CSMD1: variants seen among roughly 807,000 people sequenced by gnomAD.
CSMD1 encodes CUB and sushi domain-containing protein 1.
Under a neutral mutation model 417.5 loss-of-function variants are expected in CSMD1, and 213 were observed. The ratio of observed to expected loss-of-function variants is 0.51; its 90% CI spans 0.46 to 0.57. CSMD1 has a LOEUF of 0.57. Among genes scored for constraint, CSMD1 ranks in the 20% least tolerant of loss-of-function variants. The pLI is 0.00. For synonymous variants in CSMD1, 2,862 were observed against 1,736.8 expected, an observed-to-expected ratio of 1.65 and a Z score of -16.11; for missense variants, 6,923 against 4,529.7, an observed-to-expected ratio of 1.53 and a Z score of -15.17.
chr8:3,887,727 G>A (rs1318258253), intron 5 of CSMD1, among the ~76,000 whole-genome samples: 1 of 152,196 alleles, frequency 6.6e-6, no homozygotes, highest in Non-Finnish European at 1.5e-5. Context: ...GCTTTGATCT[G>A]TGGATAGAAA....
chr8:3,265,305 C>A (rs192316713), intron 26 of CSMD1, among the ~76,000 whole-genome samples: 2 of 152,284 alleles, frequency 1.3e-5, no homozygotes, highest in East Asian at 3.9e-4. Flanking sequence ...ATGGTAAACG[C>A]AGAAATCAGT....
At chr8:4,650,569 T>G (rs1415574343) in intron 1 of CSMD1, among the ~76,000 whole-genome samples, 1 of 152,040 alleles carries the variant, frequency 6.6e-6, no homozygotes, top group Non-Finnish European at 1.5e-5. Flanking sequence ...ACGCATGACA[T>G]TGAAACTCCA....
At chr8:3,049,182 A>G (rs1367423705) in intron 50 of CSMD1, among the ~76,000 whole-genome samples, 1 of 152,154 alleles carries the variant, frequency 6.6e-6, no homozygotes, top group African/African-American at 2.4e-5. Flanking sequence ...ATGGTTTCTT[A>G]AAAAACTAAA....
intron 12 of CSMD1, among the ~76,000 whole-genome samples, chr8:3,409,900 C>T (rs1297341867): frequency 3.3e-5 from 5 of 152,206 alleles, no homozygotes; most frequent in Non-Finnish European, 7.3e-5. Context: ...CTTCTGGATA[C>T]CTCCGATCTT....
intron 5 of CSMD1, among the ~76,000 whole-genome samples, chr8:3,824,392 G>T (rs1044046675): frequency 6.6e-6 from 1 of 152,152 alleles, no homozygotes; most frequent in Admixed American, 6.6e-5. Flanking sequence ...AGCTCAGAGT[G>T]GCAAAGCTCC....
chr8:4,091,343 C>T (rs1438911730), intron 3 of CSMD1, among the ~76,000 whole-genome samples: 1 of 152,140 alleles, frequency 6.6e-6, no homozygotes, highest in Non-Finnish European at 1.5e-5. Flanking sequence ...ATGATTCCAT[C>T]ATTGAATTTG....
At chr8:3,515,839 A>G (rs960209593) in intron 10 of CSMD1, among the ~76,000 whole-genome samples, 2 of 152,246 alleles carry the variant, frequency 1.3e-5, no homozygotes, top group Admixed American at 1.3e-4. Context: ...TACATACGGA[A>G]AGAAAACTGG....
At chr8:3,396,154 A>G in intron 17 of CSMD1, 40 bp downstream of exon 17, 2 of 1,517,874 alleles carry the variant, frequency 1.3e-6, no homozygotes, top group Non-Finnish European at 1.8e-6. Context: ...TCTCCCATGC[A>G]TGCTGCCCTG....
intron 6 of CSMD1, among the ~76,000 whole-genome samples, chr8:3,740,815 G>T (rs2623713): frequency 0.14 from 21,774 of 152,122 alleles, 1,679 homozygotes; most frequent in African/African-American, 0.2. Flanking sequence ...GCTTAGGGAG[G>T]CTATGCAGGC....
intron 18 of CSMD1, among the ~76,000 whole-genome samples, chr8:3,385,593 G>A (rs1810957995): frequency 6.6e-6 from 1 of 151,994 alleles, no homozygotes; most frequent in Non-Finnish European, 1.5e-5. Context: ...TGACTTTCAA[G>A]GGAATTTTAT....
intron 40 of CSMD1, among the ~76,000 whole-genome samples, chr8:3,144,202 C>T (rs142103932): frequency 0.01 from 1,568 of 152,256 alleles, 10 homozygotes; most frequent in Middle Eastern, 0.024. Context: ...TGTTCTGTCT[C>T]ATGTCACACG....
intron 3 of CSMD1, among the ~76,000 whole-genome samples, chr8:4,401,080 T>G (rs938292290): frequency 2.0e-5 from 3 of 151,950 alleles, no homozygotes; most frequent in African/African-American, 7.3e-5. Flanking sequence ...AGAAAATGAG[T>G]TTTTACAAAG....
chr8:4,089,811 G>T (rs541346555), intron 3 of CSMD1, among the ~76,000 whole-genome samples: 1 of 152,192 alleles, frequency 6.6e-6, no homozygotes, highest in African/African-American at 2.4e-5. Context: ...AGTGTGTTTG[G>T]TCTTGGAGGG....
At chr8:4,446,633 A>C (rs1228973852) in intron 2 of CSMD1, among the ~76,000 whole-genome samples, 5 of 152,110 alleles carry the variant, frequency 3.3e-5, no homozygotes, top group Non-Finnish European at 7.3e-5. Flanking sequence ...AGCTCACTGC[A>C]AACTCTGCCT....
At chr8:3,577,477 AT>A (rs1050278180) in intron 9 of CSMD1, among the ~76,000 whole-genome samples, 1 of 151,956 alleles carries the variant, frequency 6.6e-6, no homozygotes. Flanking sequence ...TTTTTTGTCC[AT>A]TTTTTTATTA....
intron 7 of CSMD1, among the ~76,000 whole-genome samples, chr8:3,617,788 G>A (rs11996039): frequency 0.37 from 56,791 of 151,948 alleles, 10,839 homozygotes; most frequent in Middle Eastern, 0.49. Context: ...TGAACATTCT[G>A]TTGTATTTAT....
At chr8:3,110,579 T>C (rs1385937076) in intron 42 of CSMD1, among the ~76,000 whole-genome samples, 1 of 152,226 alleles carries the variant, frequency 6.6e-6, no homozygotes, top group Admixed American at 6.5e-5. Context: ...TCAAAATCCC[T>C]TTAGGATAAA....
intron 1 of CSMD1, among the ~76,000 whole-genome samples, chr8:4,662,287 G>A (rs972084041): frequency 6.6e-6 from 1 of 151,612 alleles, no homozygotes; most frequent in African/African-American, 2.4e-5. Flanking sequence ...CAAATAAGAG[G>A]TTTCTAAAAG....
intron 21 of CSMD1, among the ~76,000 whole-genome samples, chr8:3,355,450 AGATG>A (rs1808716308): frequency 6.6e-6 from 1 of 152,214 alleles, no homozygotes; most frequent in South Asian, 2.1e-4. Context: ...AAAGCTGTGC[AGATG>A]GAATTCTAAA....
Sources: gnomAD v4.1 joint callset for allele counts (sites outside exome capture counted in the v4.1 genomes callset) on GRCh38, gnomAD v4.1.1 for gene constraint, MANE v1.5 for transcripts, NCBI Gene and HGNC (gene_info 2026-07-23, HGNC 2026-07-21) for gene names.